The following TBK1 variants were observed in gnomAD, a reference collection of about 807,000 sequenced individuals.
TBK1 encodes the protein serine/threonine-protein kinase TBK1.
Under a neutral mutation model 99.9 loss-of-function variants are expected in TBK1, and 37 were observed. The ratio of observed to expected loss-of-function variants is 0.37; its 90% CI spans 0.28 to 0.49. The LOEUF (loss-of-function observed/expected upper bound fraction) is 0.49. Ranked by LOEUF, TBK1 falls within the 20% of genes least tolerant of loss-of-function variation. The pLI, the probability that TBK1 is intolerant of heterozygous loss-of-function variation, is 0.98. For synonymous variants in TBK1, 258 were observed against 279.8 expected (o/e 0.92, Z 0.78); for missense variants, 644 against 872.5 (o/e 0.74, Z 3.30).
At chr12:64,466,332 G>A (rs1319482467) in intron 4 of TBK1, among the ~76,000 whole-genome samples, 1 of 152,116 alleles carries the variant, frequency 6.6e-6, no homozygotes, top group Admixed American at 6.5e-5. Flanking sequence ...CAGCAAAGTA[G>A]ACAACTTTGC....
intron 5 of TBK1, among the ~76,000 whole-genome samples, chr12:64,471,590 C>T (rs531380311): frequency 4.6e-5 from 7 of 152,132 alleles, no homozygotes; most frequent in South Asian, 2.1e-4. Flanking sequence ...TGACCTCAAG[C>T]GATCCACCCA....
intron 7 of TBK1, among the ~76,000 whole-genome samples, chr12:64,480,642 A>C (rs1287689258): frequency 6.6e-6 from 1 of 152,256 alleles, no homozygotes; most frequent in Non-Finnish European, 1.5e-5. Context: ...AGAAATCAAA[A>C]AAATTATATT....
intron 12 of TBK1, among the ~76,000 whole-genome samples, chr12:64,488,976 G>C (rs1312502072): frequency 6.6e-6 from 1 of 152,196 alleles, no homozygotes; most frequent in Non-Finnish European, 1.5e-5. Context: ...TGGTGACAGA[G>C]TGAGACTCCA....
At chr12:64,456,174 A>G (rs1364464899) in intron 2 of TBK1, among the ~76,000 whole-genome samples, 1 of 152,188 alleles carries the variant, frequency 6.6e-6, no homozygotes, top group African/African-American at 2.4e-5. Context: ...GTGGAGGAAA[A>G]CAGATTGGTT....
At chr12:64,474,518 C>T in intron 6 of TBK1, 128 bp downstream of exon 6, 2 of 934,910 alleles carry the variant, frequency 2.1e-6, no homozygotes, top group Non-Finnish European at 3.2e-6. Flanking sequence ...TTTTAAGCTA[C>T]CTGGTTTTTA....
intron 6 of TBK1, among the ~76,000 whole-genome samples, chr12:64,474,972 G>C (rs1302237570): frequency 6.6e-6 from 1 of 151,950 alleles, no homozygotes; most frequent in African/African-American, 2.4e-5. Context: ...ACAAACATTA[G>C]CCAGGGGTGG....
At chr12:64,486,175 C>G (rs755958918) in intron 11 of TBK1, among the ~76,000 whole-genome samples, 158 bp downstream of exon 11, 2 of 152,170 alleles carry the variant, frequency 1.3e-5, no homozygotes, top group African/African-American at 4.8e-5. Flanking sequence ...GCTCATTTTT[C>G]ATGAGTCCTA....
chr12:64,482,773 A>G (rs2136076799), intron 8 of TBK1, among the ~76,000 whole-genome samples: 1 of 152,330 alleles, frequency 6.6e-6, no homozygotes, highest in South Asian at 2.1e-4. Flanking sequence ...TACCCTATAT[A>G]GCCTAGGTGT....
intron 20 of TBK1, among the ~76,000 whole-genome samples, chr12:64,500,260 C>A (rs1218116608): frequency 6.6e-6 from 1 of 152,012 alleles, no homozygotes; most frequent in Non-Finnish European, 1.5e-5. Flanking sequence ...TTTTTTGAAT[C>A]TAAAATCATC....
rs763709411 is a variant in TBK1 at position 64,499,037 on chromosome 12, C to CTTTTT, written c.2138+1015_2138+1019dup. On this transcript the variant is annotated intron_variant, in intron 20 of 20. Transcript: ENST00000331710. ...TTTGTTGGGTTTTACTAATTTTATT[C>CTTTTT]TTTTTTTTTTTTTTTTTTTTTCCCC... Among the ~76,000 whole-genome samples, 94 of 79,244 alleles carry CTTTTT rather than the reference C, an allele frequency of 1.2e-3. 2 individuals carry two copies. Among genetic ancestry groups the CTTTTT allele is most frequent in the African/African-American group, 2.3e-3 (47 of 20,664 alleles). 52.0% of individuals were successfully genotyped at this position (79,244 alleles called of 152,430 possible). A position where few individuals can be genotyped will look rare whatever the true frequency, so the allele number is the denominator to read the frequency against.
At chr12:64,483,617 T>C (rs2040788968) in intron 8 of TBK1, among the ~76,000 whole-genome samples, 2 of 152,174 alleles carry the variant, frequency 1.3e-5, no homozygotes, top group Admixed American at 1.3e-4. Flanking sequence ...TACGGTTTTA[T>C]AGGAAGTTAG....
chr12:64,468,635 G>C (rs553881261), intron 5 of TBK1, among the ~76,000 whole-genome samples: 63 of 152,250 alleles, frequency 4.1e-4, no homozygotes, highest in African/African-American at 1.4e-3. Context: ...TGCTCTTATG[G>C]AGCCCACGTT....
chr12:64,481,945 C>A lies in TBK1; in HGVS notation c.916C>A (p.Leu306Ile), dbSNP rs201970436. The change falls in exon 8 of 21, where the codon CTT becomes ATT. Residue 306 changes from leucine (L) to isoleucine (I), a missense_variant. Coordinates refer to ENST00000331710, the MANE Select transcript of TBK1 (RefSeq NM_013254.4). ...GTTTTTTGCAGAAACTAGTGATATA[C>A]TTCACCGAATGGTAATTCATGTTTT... ...DQFFAETSDI[L>I]HRMVIHVFSL... 1.5e-4 allele frequency: 241 copies of A among 1,610,276 alleles called. No homozygotes were observed. Among genetic ancestry groups the A allele is most frequent in the Non-Finnish European group, 2.8e-5 (33 of 1,178,330 alleles).
intron 5 of TBK1, among the ~76,000 whole-genome samples, chr12:64,473,978 A>AT (rs2040686764): frequency 6.6e-6 from 1 of 152,134 alleles, no homozygotes; most frequent in African/African-American, 2.4e-5. Context: ...GGTAAAGGGC[A>AT]TAAGGGAGTG....
intron 5 of TBK1, among the ~76,000 whole-genome samples, chr12:64,470,966 C>T (rs1397165433): frequency 6.6e-6 from 1 of 152,140 alleles, no homozygotes; most frequent in Non-Finnish European, 1.5e-5. Context: ...CTATTTATTT[C>T]CTATTTCAGA....
At chr12:64,482,693 T>C (rs2040779604) in intron 8 of TBK1, among the ~76,000 whole-genome samples, 1 of 152,242 alleles carries the variant, frequency 6.6e-6, no homozygotes, top group Non-Finnish European at 1.5e-5. Flanking sequence ...CTAATTATGT[T>C]ACAGCTGCCT....
At chr12:64,474,441 T>G in intron 6 of TBK1, 51 bp downstream of exon 6, 2 of 1,547,884 alleles carry the variant, frequency 1.3e-6, no homozygotes, top group Non-Finnish European at 1.8e-6. Flanking sequence ...AAATGATTTC[T>G]GTCTTGGTTC....
rs2040750854 is a variant in TBK1 at position 64,479,872 on chromosome 12, A to G, written c.702-140A>G. 9.2e-6 allele frequency: 5 copies of G among 546,012 alleles called. No homozygotes were observed. In the Admixed American group the frequency reaches 1.7e-4, roughly 19 times the overall value. 33.8% of individuals were successfully genotyped at this position (546,012 alleles called of 1,614,324 possible). ...AGATTCAAAGTATTTTGATTGTTTT[A>G]TGGATCCTGTGAGCATCAATCACAA... On this transcript the variant is annotated intron_variant, in intron 6 of 20. Transcript: ENST00000331710.
At chr12:64,497,362 C>T (rs528920353) in intron 18 of TBK1, 103 bp downstream of exon 18, 6 of 842,606 alleles carry the variant, frequency 7.1e-6, no homozygotes, top group East Asian at 2.7e-5. Context: ...TTCAGTTCCA[C>T]CCACCAATTT....
Sources: gnomAD v4.1 joint callset for allele counts (sites outside exome capture counted in the v4.1 genomes callset) on GRCh38, gnomAD v4.1.1 for gene constraint, MANE v1.5 for transcripts, NCBI Gene and HGNC (gene_info 2026-07-23, HGNC 2026-07-21) for gene names.